PHACTR1: variants seen among roughly 807,000 people sequenced by gnomAD.
PHACTR1 encodes phosphatase and actin regulator 1, also known as RPEL repeat containing 1.
PHACTR1 carries 16 observed loss-of-function variants against 69.2 expected under a neutral mutation model. The observed-to-expected ratio is 0.23, with a 90% CI of 0.16 to 0.35. The LOEUF is 0.35. Ranked by LOEUF, PHACTR1 falls within the 10% of genes least tolerant of loss-of-function variation. The pLI is 1.00. For missense variants in PHACTR1, 510 were observed against 734.7 expected, an observed-to-expected ratio of 0.69 and a Z score of 3.54; for synonymous variants, 312 against 284.5, an observed-to-expected ratio of 1.10 and a Z score of -0.97.
At chr6:12,937,018 C>T (rs1384013537) in intron 4 of PHACTR1, among the ~76,000 whole-genome samples, 2 of 152,174 alleles carry the variant, frequency 1.3e-5, no homozygotes, top group African/African-American at 4.8e-5. Flanking sequence ...CTTTGTTTAT[C>T]ATTTAAGGAA....
chr6:13,161,163 C>T (rs1004176817), intron 6 of PHACTR1, among the ~76,000 whole-genome samples: 2 of 151,930 alleles, frequency 1.3e-5, no homozygotes, highest in African/African-American at 4.8e-5. Context: ...TATTTTTGTG[C>T]AGACAGGGTC....
intron 5 of PHACTR1, among the ~76,000 whole-genome samples, chr6:13,146,146 G>A (rs79145430): frequency 1.0e-3 from 155 of 152,274 alleles, no homozygotes; most frequent in African/African-American, 3.5e-3. Flanking sequence ...TTTATCTGTC[G>A]TGTGGATAAT....
intron 5 of PHACTR1, among the ~76,000 whole-genome samples, chr6:13,085,730 C>G (rs984480588): frequency 3.0e-4 from 46 of 151,898 alleles, no homozygotes; most frequent in Non-Finnish European, 4.9e-4. Flanking sequence ...GTAAGACAGC[C>G]AAAACCTATC....
intron 4 of PHACTR1, among the ~76,000 whole-genome samples, chr6:12,760,782 A>AAGGG: frequency 6.6e-6 from 1 of 152,090 alleles, no homozygotes; most frequent in East Asian, 1.9e-4. Flanking sequence ...AAAATACAAA[A>AAGGG]ATTAGCTGGG....
intron 4 of PHACTR1, among the ~76,000 whole-genome samples, chr6:12,978,699 G>A (rs1040016723): frequency 3.3e-5 from 5 of 152,164 alleles, no homozygotes; most frequent in South Asian, 2.1e-4. Flanking sequence ...CTGCTAGGAC[G>A]GTGTTGGCTC....
At chr6:12,892,224 A>G (rs1332845) in intron 4 of PHACTR1, among the ~76,000 whole-genome samples, 34,265 of 152,184 alleles carry the variant, frequency 0.23, 4,341 homozygotes, top group Middle Eastern at 0.37. Flanking sequence ...CAAAATTCGT[A>G]GTCTTTGCCA....
At chr6:13,038,394 CAA>C (rs1803649918) in intron 4 of PHACTR1, among the ~76,000 whole-genome samples, 1 of 150,420 alleles carries the variant, frequency 6.6e-6, no homozygotes, top group Admixed American at 6.6e-5. Flanking sequence ...TAATTTAACT[CAA>C]AGCCTGAGAG....
At chr6:13,281,036 C>T in intron 12 of PHACTR1, 1 of 1,289,628 alleles carries the variant, frequency 7.8e-7, no homozygotes, top group South Asian at 1.2e-5. Flanking sequence ...TCCCTCTGAG[C>T]ACTTGTGCTC....
chr6:13,143,300 AC>A (rs1480061843), intron 5 of PHACTR1, among the ~76,000 whole-genome samples: 1 of 152,198 alleles, frequency 6.6e-6, no homozygotes, highest in Non-Finnish European at 1.5e-5. Context: ...ATGGTTTGTA[AC>A]TCAAAGGATA....
intron 5 of PHACTR1, among the ~76,000 whole-genome samples, chr6:13,102,732 A>C (rs574227714): frequency 6.6e-6 from 1 of 152,350 alleles, no homozygotes; most frequent in East Asian, 1.9e-4. Context: ...AAATGTCTAC[A>C]TTAGTAGTGA....
In PHACTR1 at chr6:12,851,243, A is replaced by G. The variant is rs12197152; in HGVS notation, c.250+101453A>G. Among the ~76,000 whole-genome samples the G allele has an allele frequency of 5.2e-3, 791 of 152,370 alleles. 3 individuals carry two copies. The highest frequency in any genetic ancestry group is 8.6e-3 in the Non-Finnish European group (583 of 68,044). On this transcript the variant is annotated intron_variant, in intron 4 of 14. Transcript: ENST00000332995. ...GTGCTGAGCAATGGATGCAACAAGT[A>G]TAAAGTGAGGCTTTGAACTTTAAAT...
chr6:13,071,380 A>T (rs1356117092), intron 5 of PHACTR1, among the ~76,000 whole-genome samples: 1 of 152,132 alleles, frequency 6.6e-6, no homozygotes, highest in African/African-American at 2.4e-5. Context: ...GTGAGCCAAG[A>T]TCACGCTACT....
chr6:13,189,866 T>A (rs543255526), intron 7 of PHACTR1, among the ~76,000 whole-genome samples: 2 of 152,150 alleles, frequency 1.3e-5, no homozygotes, highest in East Asian at 3.9e-4. Flanking sequence ...ACAACAGAAA[T>A]GTATTTCTCT....
At chr6:13,136,142 C>T (rs550707061) in intron 5 of PHACTR1, among the ~76,000 whole-genome samples, 9 of 151,994 alleles carry the variant, frequency 5.9e-5, no homozygotes, top group African/African-American at 1.9e-4. Flanking sequence ...CTGGAATTTT[C>T]CATCATGTTT....
At chr6:13,046,476 G>A (rs891497370) in intron 4 of PHACTR1, among the ~76,000 whole-genome samples, 2 of 152,162 alleles carry the variant, frequency 1.3e-5, no homozygotes, top group Non-Finnish European at 2.9e-5. Context: ...CAGAGGCGCA[G>A]AAGAGCCTGA....
At chr6:12,934,140 G>C in intron 4 of PHACTR1, 1 of 621,988 alleles carries the variant, frequency 1.6e-6, no homozygotes, top group Non-Finnish European at 2.5e-6. Context: ...GCAATCCTTG[G>C]TGTTAACTGG....
intron 8 of PHACTR1, among the ~76,000 whole-genome samples, chr6:13,211,213 C>G (rs753427486): frequency 8.6e-5 from 13 of 151,768 alleles, no homozygotes; most frequent in African/African-American, 2.9e-4. Flanking sequence ...TTGGGTGCAC[C>G]CATCACCCGA....
At chr6:13,273,055 C>A in intron 11 of PHACTR1, 140 bp downstream of exon 11, 2 of 1,224,052 alleles carry the variant, frequency 1.6e-6, no homozygotes, top group Non-Finnish European at 2.3e-6. Context: ...TTCATGTGTG[C>A]ATGTTAGAAC....
intron 5 of PHACTR1, among the ~76,000 whole-genome samples, chr6:13,059,457 AT>A (rs1807341776): frequency 1.2e-5 from 1 of 80,550 alleles, no homozygotes; most frequent in African/African-American, 4.4e-5. Flanking sequence ...AAATGTTCTT[AT>A]CACACACACA....
Sources: allele counts gnomAD v4.1 joint callset (sites outside exome capture counted in the v4.1 genomes callset), GRCh38; gene constraint gnomAD v4.1.1; transcripts MANE v1.5; gene names NCBI Gene and HGNC (gene_info 2026-07-23, HGNC 2026-07-21).